Variants in PCNX1 observed in about 807,000 individuals in gnomAD.
The protein encoded by PCNX1 is pecanex 1, also known as pecanex-like protein 1.
A neutral mutation model predicts 242.2 loss-of-function variants in PCNX1; 78 were observed. That is an observed-to-expected ratio of 0.32 (90% confidence interval 0.27 to 0.39). The LOEUF is 0.39. Ranked by LOEUF, PCNX1 falls within the 10% of genes least tolerant of loss-of-function variation. PCNX1 has a pLI of 1.00. For synonymous variants in PCNX1, 1,024 were observed against 1,032.9 expected, an observed-to-expected ratio of 0.99 and a Z score of 0.17; for missense variants, 2,581 against 2,856.5, an observed-to-expected ratio of 0.90 and a Z score of 2.20.
At chr14:71,092,429 A>G (rs577975736) in intron 30 of PCNX1, 1 of 152,352 alleles carries the variant, frequency 6.6e-6, no homozygotes, top group East Asian at 1.9e-4. Flanking sequence ...GGAGAATTTA[A>G]TGCCAGCAAA....
intron 1 of PCNX1, among the ~76,000 whole-genome samples, chr14:70,914,549 C>CACAG (rs2056071660): frequency 6.6e-6 from 1 of 152,126 alleles, no homozygotes; most frequent in South Asian, 2.1e-4. Context: ...CCTTTGAATA[C>CACAG]ACAGATTCAG....
intron 9 of PCNX1, among the ~76,000 whole-genome samples, chr14:71,010,033 C>T (rs961194517): frequency 6.6e-5 from 10 of 151,934 alleles, no homozygotes; most frequent in African/African-American, 2.2e-4. Flanking sequence ...TTGTAGTCAC[C>T]AGGTCAGATA....
chr14:71,031,545 GC>G (rs1360999992), intron 16 of PCNX1: 1 of 438,416 alleles, frequency 2.3e-6, no homozygotes, highest in Non-Finnish European at 4.3e-6. Flanking sequence ...ACACAAGAAT[GC>G]CCCAACTTCA....
At chr14:70,991,443 A>T (rs903533494) in intron 7 of PCNX1, among the ~76,000 whole-genome samples, 1 of 152,084 alleles carries the variant, frequency 6.6e-6, no homozygotes, top group African/African-American at 2.4e-5. Context: ...TGACCTCGTG[A>T]TCCACCCGCC....
At chr14:70,975,334 A>G (rs765061316) in intron 5 of PCNX1, among the ~76,000 whole-genome samples, 12 of 101,078 alleles carry the variant, frequency 1.2e-4, no homozygotes, top group Non-Finnish European at 1.9e-4. Context: ...TGGGAAAATA[A>G]TAAAGAACGG....
chr14:71,077,698 G>A (rs1248140676), intron 28 of PCNX1, among the ~76,000 whole-genome samples: 1 of 152,092 alleles, frequency 6.6e-6, no homozygotes, highest in Non-Finnish European at 1.5e-5. Context: ...AGCAGACAGT[G>A]GCTAGAAGTA....
rs1443533685 is a variant in PCNX1, at chr14:71,110,154, A to T, written c.*219A>T. The T allele has an allele frequency of 5.0e-6, 3 of 601,922 alleles. No individual in the cohort carries two copies. The highest frequency in any genetic ancestry group is 9.0e-6 in the Non-Finnish European group (3 of 332,522). The allele number at this position is 601,922 out of a possible 1,614,324, so 37.3% of individuals were successfully genotyped here. ...TAAAGCTGAAATATTTTTTTAAGTT[A>T]GCTGCCGAGAAAACATTTTGCATGA... On this transcript the variant is annotated 3_prime_UTR_variant, in exon 36 of 36. Coordinates refer to ENST00000304743, the MANE Select transcript of PCNX1 (RefSeq NM_014982.3).
intron 2 of PCNX1, among the ~76,000 whole-genome samples, chr14:70,961,131 C>G (rs1228901585): frequency 6.6e-6 from 1 of 152,170 alleles, no homozygotes; most frequent in Non-Finnish European, 1.5e-5. Context: ...CATCAACCTA[C>G]CAATGACTTT....
chr14:71,095,682 AT>A (rs200603924), intron 30 of PCNX1, among the ~76,000 whole-genome samples: 7 of 151,972 alleles, frequency 4.6e-5, no homozygotes, highest in African/African-American at 1.7e-4. Flanking sequence ...GTAACATGCT[AT>A]TTTTTTTCAT....
chr14:70,988,592 G>C lies in PCNX1; in HGVS notation c.2337G>C (p.Val779=), dbSNP rs1161131100. 6.2e-7 allele frequency: 1 copy of C among 1,614,120 alleles called. No individual in the cohort carries two copies. The highest frequency in any genetic ancestry group is 8.5e-7 in the Non-Finnish European group (1 of 1,179,990). ...CAGCACAAGCCAGCGAGGAGGCAGT[G>C]TCATTTCGCCGTGAACGCAGCACAT... ...SGAAQASEEA[V]SFRRERSTFR... is the part of the protein sequence containing the mutation. Residue 779 remains valine (V), a synonymous_variant, in exon 7 of 36, where the codon GTG becomes GTC. Coordinates refer to ENST00000304743, the MANE Select transcript of PCNX1 (RefSeq NM_014982.3).
Position 71,112,672 on chromosome 14 carries a change from C to CTTT in PCNX1, c.*2742_*2744dup, listed in dbSNP as rs922388857. The stretch of plus-strand genomic sequence containing the variant: ...GTGAGTGACTCGTTTAGATTCTCTG[C>CTTT]TTTTTTTCAGTTATGTACAAGACTT... On this transcript the variant is annotated 3_prime_UTR_variant, in exon 36 of 36. Transcript: ENST00000304743. 1 of 152,024 alleles carries CTTT rather than the reference C, an allele frequency of 6.6e-6. No homozygotes were observed. Among genetic ancestry groups the CTTT allele is most frequent in the South Asian group, 2.1e-4 (1 of 4,832 alleles). 9.4% of individuals were successfully genotyped at this position (152,024 alleles called of 1,614,324 possible). A position where few individuals can be genotyped will look rare whatever the true frequency, so the allele number is the denominator to read the frequency against.
At chr14:71,053,215 C>T in intron 24 of PCNX1, 2 of 450,048 alleles carry the variant, frequency 4.4e-6, no homozygotes, top group East Asian at 7.0e-5. Flanking sequence ...TGTTCAGTGG[C>T]TGCAGTTCTT....
chr14:70,917,681 C>A (rs1285773697), intron 1 of PCNX1, among the ~76,000 whole-genome samples: 1 of 152,116 alleles, frequency 6.6e-6, no homozygotes, highest in Non-Finnish European at 1.5e-5. Flanking sequence ...CTTAAGGGCT[C>A]TTGGATTTTT....
intron 12 of PCNX1, among the ~76,000 whole-genome samples, chr14:71,020,901 A>G (rs1353139207): frequency 6.6e-6 from 1 of 152,094 alleles, no homozygotes; most frequent in African/African-American, 2.4e-5. Flanking sequence ...TAGGTCTTAC[A>G]TTTAAGTCTT....
intron 15 of PCNX1, 123 bp downstream of exon 15, chr14:71,027,005 GAC>G (rs1481610271): frequency 4.0e-6 from 2 of 498,602 alleles, no homozygotes; most frequent in Non-Finnish European, 7.0e-6. Context: ...AAAAAAAAAA[GAC>G]ATTAAGTGAT....
rs1245578055 is a variant in PCNX1, at chr14:71,019,115, T to C, written c.3103T>C (p.Phe1035Leu). 6.2e-7 allele frequency: 1 copy of C among 1,613,200 alleles called. No homozygotes were observed. ...IQGFFRDIWV[F>L]QFCLVIASCQ... is the part of the protein sequence containing the mutation. ...AGGATTCTTCAGAGATATCTGGGTC[T>C]TCCAGTTCTGCCTCGTCATAGCCAG... Residue 1035 changes from phenylalanine (F) to leucine (L), a missense_variant, in exon 12 of 36, where the codon TTC becomes CTC. By Grantham distance (22) the Phe-to-Leu change is conservative (BLOSUM62 0). Coordinates refer to ENST00000304743, the MANE Select transcript of PCNX1 (RefSeq NM_014982.3).
At position 70,907,757 on chromosome 14, in the gene PCNX1, G is replaced by C. The variant is rs2055621190; in HGVS notation, c.-94G>C. 1.7e-6 allele frequency: 2 copies of C among 1,175,366 alleles called. No individual in the cohort carries two copies. Among genetic ancestry groups the C allele is most frequent in the Middle Eastern group, 3.4e-4 (1 of 2,940 alleles). The allele number at this position is 1,175,366 out of a possible 1,614,324, so 72.8% of individuals were successfully genotyped here. The stretch of plus-strand genomic sequence containing the variant: ...CCCGGAGCTCCGGAGGTGGATAGAC[G>C]GGGCAGCTGCAGGCTCCGGCGACCG... On this transcript the variant is annotated 5_prime_UTR_variant, in exon 1 of 36. Coordinates refer to ENST00000304743, the MANE Select transcript of PCNX1 (RefSeq NM_014982.3).
intron 10 of PCNX1, chr14:71,012,140 AAAAC>A (rs66757265): frequency 0.071 from 10,785 of 152,520 alleles, 491 homozygotes; most frequent in East Asian, 0.27. Flanking sequence ...GCAGCTTGCC[AAAAC>A]AAACAAACAA....
chr14:71,094,776 A>G (rs1381718982), intron 30 of PCNX1, among the ~76,000 whole-genome samples: 1 of 152,140 alleles, frequency 6.6e-6, no homozygotes, highest in Non-Finnish European at 1.5e-5. Context: ...AAAAAGAAAC[A>G]GAAATATTAG....
Sources: allele counts gnomAD v4.1 joint callset (sites outside exome capture counted in the v4.1 genomes callset), GRCh38; gene constraint gnomAD v4.1.1; transcripts MANE v1.5; gene names NCBI Gene and HGNC (gene_info 2026-07-23, HGNC 2026-07-21).